The following PTP4A1 variants were observed in gnomAD, a reference collection of about 807,000 sequenced individuals.
PTP4A1 encodes protein tyrosine phosphatase 4A1, also known as protein tyrosine phosphatase type IVA 1.
PTP4A1 carries 9 observed loss-of-function variants against 20.5 expected under a neutral mutation model. The ratio of observed to expected loss-of-function variants is 0.44; its 90% CI spans 0.26 to 0.77. The LOEUF is 0.77. PTP4A1 is among the 30% of genes least tolerant of loss of function. PTP4A1 has a pLI of 0.19. For synonymous variants in PTP4A1, 78 were observed against 67.4 expected, an observed-to-expected ratio of 1.16 and a Z score of -0.77; for missense variants, 137 against 218.8, an observed-to-expected ratio of 0.63 and a Z score of 2.36.
At chr6:63,533,703 CTT>C (rs1405151935) in intron 2 of PTP4A1, among the ~76,000 whole-genome samples, 2 of 152,030 alleles carry the variant, frequency 1.3e-5, no homozygotes, top group Non-Finnish European at 2.9e-5. Context: ...TTCTAAATGA[CTT>C]TGTAAAGCTG....
At chr6:63,570,541 C>T (rs1777372329), upstream of PTP4A1, among the ~76,000 whole-genome samples, 1 of 152,214 alleles carries the variant, frequency 6.6e-6, no homozygotes, top group Admixed American at 6.5e-5. Flanking sequence ...GTGGTAATTA[C>T]AGGATCTGTG....
intron 1 of PTP4A1, among the ~76,000 whole-genome samples, chr6:63,525,242 A>G (rs1421262113): frequency 6.6e-6 from 1 of 152,000 alleles, no homozygotes; most frequent in African/African-American, 2.4e-5. Context: ...AGTTATTAGT[A>G]CTCTTTCAGG....
At chr6:63,540,273 A>G (rs1359647733) in intron 2 of PTP4A1, among the ~76,000 whole-genome samples, 1 of 150,130 alleles carries the variant, frequency 6.7e-6, no homozygotes, top group Non-Finnish European at 1.5e-5. Context: ...ATATAGAATC[A>G]TAGATAGATC....
intron 2 of PTP4A1, among the ~76,000 whole-genome samples, chr6:63,537,437 G>A (rs1184959992): frequency 2.6e-5 from 4 of 152,128 alleles, no homozygotes; most frequent in Non-Finnish European, 5.9e-5. Context: ...CCCAGGCTCA[G>A]ATCAATTAAA....
chr6:63,539,101 C>T (rs897911994), intron 2 of PTP4A1, among the ~76,000 whole-genome samples: 3 of 151,896 alleles, frequency 2.0e-5, no homozygotes, highest in Non-Finnish European at 2.9e-5. Context: ...CCATGTTGGC[C>T]CATGCTGATC....
At chr6:63,519,531 G>A (rs1426992632), upstream of PTP4A1, among the ~76,000 whole-genome samples, 2 of 152,148 alleles carry the variant, frequency 1.3e-5, no homozygotes, top group Non-Finnish European at 2.9e-5. Context: ...TACCAGAACT[G>A]ACTTTCCACT....
At chr6:63,518,280 C>A (rs1774804073), upstream of PTP4A1, among the ~76,000 whole-genome samples, 1 of 152,084 alleles carries the variant, frequency 6.6e-6, no homozygotes. Context: ...ATTTTGCTTT[C>A]CCTAATAAGC....
At chr6:63,541,179 A>G (rs1775955606) in intron 2 of PTP4A1, among the ~76,000 whole-genome samples, 1 of 152,200 alleles carries the variant, frequency 6.6e-6, no homozygotes, top group South Asian at 2.1e-4. Context: ...GAAGAGAGAA[A>G]ACAATCAAAG....
intron 2 of PTP4A1, among the ~76,000 whole-genome samples, chr6:63,547,187 A>G (rs1046320808): frequency 7.5e-6 from 1 of 133,984 alleles, no homozygotes; most frequent in Non-Finnish European, 1.6e-5. Context: ...GTAGGGGGGA[A>G]TTTTTTTTTT....
intron 3 of PTP4A1, among the ~76,000 whole-genome samples, chr6:63,559,383 CTT>C (rs1776835719): frequency 6.6e-6 from 1 of 152,108 alleles, no homozygotes. Context: ...AGTAAATTTA[CTT>C]TTCACAGTGA....
chr6:63,517,475 G>A (rs1774770207), upstream of PTP4A1, among the ~76,000 whole-genome samples: 1 of 152,138 alleles, frequency 6.6e-6, no homozygotes, highest in East Asian at 1.9e-4. Context: ...ATGCACACAT[G>A]ATGCCCCGTA....
intron 1 of PTP4A1, among the ~76,000 whole-genome samples, chr6:63,522,172 T>C (rs1329651461): frequency 6.6e-6 from 1 of 152,226 alleles, no homozygotes; most frequent in Non-Finnish European, 1.5e-5. Context: ...TATATTTATG[T>C]TTTCTGATTT....
intron 1 of PTP4A1, among the ~76,000 whole-genome samples, chr6:63,522,526 G>C (rs1774976122): frequency 6.6e-6 from 1 of 152,154 alleles, no homozygotes; most frequent in South Asian, 2.1e-4. Flanking sequence ...AGCAAAGAGA[G>C]CAATAGGAAG....
In PTP4A1 at chr6:63,554,505, T is replaced by G. The variant is rs188274701; in HGVS notation, c.-446+4012T>G. ...ATAGCACACAATAAGGAACACCTAT[T>G]ACATAATTTAGGCCGGGCACGGTGG... is the stretch of plus-strand genomic sequence containing the variant. On this transcript the variant is annotated intron_variant, in intron 3 of 3. Transcript: ENST00000639568. 2.7e-3 allele frequency among the ~76,000 whole-genome samples: 404 copies of G among 152,208 alleles called. 1 individual carries two copies. Among genetic ancestry groups the G allele is most frequent in the Non-Finnish European group, 4.1e-3 (280 of 68,002 alleles).
chr6:63,559,850 C>T (rs1332854292), intron 3 of PTP4A1, among the ~76,000 whole-genome samples: 1 of 152,152 alleles, frequency 6.6e-6, no homozygotes, highest in Admixed American at 6.5e-5. Context: ...TGGTTTCGAA[C>T]TCCTGGGCTC....
intron 5 of PTP4A1, 56 bp downstream of exon 5, chr6:63,579,387 C>A: frequency 1.5e-6 from 2 of 1,376,640 alleles, no homozygotes; most frequent in South Asian, 1.3e-5. Flanking sequence ...TGTTGAGTGT[C>A]AGTGAGTTTA....
intron 2 of PTP4A1, among the ~76,000 whole-genome samples, chr6:63,577,392 C>G (rs1018153447): frequency 2.0e-5 from 3 of 152,154 alleles, no homozygotes. Flanking sequence ...AAATTCTGTT[C>G]CTTCCTAATG....
intron 2 of PTP4A1, among the ~76,000 whole-genome samples, chr6:63,530,637 G>T (rs896919639): frequency 6.6e-6 from 1 of 152,056 alleles, no homozygotes; most frequent in Non-Finnish European, 1.5e-5. Context: ...TAGAAAAAAA[G>T]GAGAAGATAA....
At chr6:63,543,767 C>T (rs1581922509) in intron 2 of PTP4A1, among the ~76,000 whole-genome samples, 1 of 152,206 alleles carries the variant, frequency 6.6e-6, no homozygotes, top group Non-Finnish European at 1.5e-5. Context: ...CTTATAATGA[C>T]ATTCTCCTAT....
Sources: gnomAD v4.1 joint callset for allele counts (sites outside exome capture counted in the v4.1 genomes callset) on GRCh38, gnomAD v4.1.1 for gene constraint, MANE v1.5 for transcripts, NCBI Gene and HGNC (gene_info 2026-07-23, HGNC 2026-07-21) for gene names.